The following GLIS3 variants were observed in gnomAD, a reference collection of about 807,000 sequenced individuals.
The protein encoded by GLIS3 is zinc finger protein GLIS3.
GLIS3 carries 53 observed loss-of-function variants against 78.6 expected under a neutral mutation model. The observed-to-expected ratio is 0.67, with a 90% CI of 0.54 to 0.85. The LOEUF is 0.85. GLIS3 is among the 40% of genes least tolerant of loss of function. The pLI is 0.00. For missense variants in GLIS3, 1,703 were observed against 1,231.1 expected (o/e 1.38, Z -5.74); for synonymous variants, 684 against 509.9 (o/e 1.34, Z -4.60).
At chr9:4,379,571 C>T in the GLIS3 span, among the ~76,000 whole-genome samples, 18 of 152,166 alleles carry the variant, frequency 1.2e-4, no homozygotes, top group African/African-American at 4.1e-4. Context: ...GATCTGGGAG[C>T]TAAACCTTGA....
chr9:3,865,965 G>A (rs928915544), intron 8 of GLIS3, among the ~76,000 whole-genome samples: 3 of 152,202 alleles, frequency 2.0e-5, no homozygotes, highest in Non-Finnish European at 2.9e-5. Flanking sequence ...CTGTCTGCTT[G>A]GGAGAGTGCC....
intron 6 of GLIS3, among the ~76,000 whole-genome samples, chr9:3,931,436 C>T (rs1442738043): frequency 3.3e-5 from 5 of 152,134 alleles, no homozygotes; most frequent in South Asian, 4.1e-4. Context: ...ACTTGAAATA[C>T]GTTGAGTCTC....
At chr9:4,133,479 G>A (rs149286294) in intron 2 of GLIS3, among the ~76,000 whole-genome samples, 49 of 152,280 alleles carry the variant, frequency 3.2e-4, no homozygotes, top group Middle Eastern at 3.4e-3. Flanking sequence ...ATGGTGGAAG[G>A]AAAGAAGTGA....
intron 6 of GLIS3, among the ~76,000 whole-genome samples, chr9:3,922,721 G>A (rs1241501555): frequency 1.3e-5 from 2 of 151,942 alleles, no homozygotes; most frequent in African/African-American, 4.8e-5. Context: ...CACTTGTAAA[G>A]GTGATTATAA....
At chr9:4,202,390 A>G (rs1369249287) in intron 2 of GLIS3, among the ~76,000 whole-genome samples, 1 of 150,880 alleles carries the variant, frequency 6.6e-6, no homozygotes, top group African/African-American at 2.4e-5. Flanking sequence ...TGACCTTGTG[A>G]TCCACCCACC....
At chr9:4,205,602 C>A (rs1404101010) in intron 2 of GLIS3, among the ~76,000 whole-genome samples, 1 of 152,104 alleles carries the variant, frequency 6.6e-6, no homozygotes, top group Admixed American at 6.5e-5. Context: ...CACGGAGGAG[C>A]TGAAGGATGA....
chr9:4,346,116 G>A (rs1385100407), intron 2 of GLIS3, among the ~76,000 whole-genome samples: 1 of 152,010 alleles, frequency 6.6e-6, no homozygotes, highest in Non-Finnish European at 1.5e-5. Context: ...TCCATTGAAA[G>A]AAAGACATAT....
At chr9:4,362,616 G>C in the GLIS3 span, among the ~76,000 whole-genome samples, 1 of 152,276 alleles carries the variant, frequency 6.6e-6, no homozygotes, top group South Asian at 2.1e-4. Flanking sequence ...GGACTCCAGT[G>C]GCAAAGGAAT....
chr9:4,329,677 C>G (rs937831587), intron 2 of GLIS3, among the ~76,000 whole-genome samples: 2 of 152,248 alleles, frequency 1.3e-5, no homozygotes, highest in African/African-American at 4.8e-5. Context: ...TAAAATTCAT[C>G]TAGTCTGCCC....
intron 2 of GLIS3, among the ~76,000 whole-genome samples, chr9:4,323,365 T>G (rs376056262): frequency 7.2e-5 from 11 of 152,192 alleles, no homozygotes; most frequent in African/African-American, 2.4e-4. Flanking sequence ...GCTTTTAAAT[T>G]TCATAAGAAG....
intron 4 of GLIS3, among the ~76,000 whole-genome samples, chr9:4,081,818 A>C (rs1368597469): frequency 1.3e-5 from 2 of 152,258 alleles, no homozygotes; most frequent in Non-Finnish European, 2.9e-5. Context: ...AAGCCATTAT[A>C]TACAAGCAAT....
the GLIS3 span, among the ~76,000 whole-genome samples, chr9:4,365,373 T>C: frequency 0.44 from 67,265 of 151,694 alleles, 15,376 homozygotes; most frequent in South Asian, 0.55. Context: ...CTGGCCAATA[T>C]GGTAAAACCC....
At chr9:4,221,842 A>G (rs371426347) in intron 2 of GLIS3, among the ~76,000 whole-genome samples, 1 of 152,240 alleles carries the variant, frequency 6.6e-6, no homozygotes, top group African/African-American at 2.4e-5. Context: ...TCAGGCCACC[A>G]TATCTCCATC....
intron 9 of GLIS3, among the ~76,000 whole-genome samples, chr9:3,834,884 G>A (rs1818259051): frequency 6.6e-6 from 1 of 152,166 alleles, no homozygotes; most frequent in African/African-American, 2.4e-5. Context: ...CCCTTCTGAA[G>A]CAGCAGCAGA....
chr9:4,321,672 C>T (rs1817531562), intron 2 of GLIS3, among the ~76,000 whole-genome samples: 1 of 145,636 alleles, frequency 6.9e-6, no homozygotes, highest in African/African-American at 2.5e-5. Flanking sequence ...ATCCCTCCTC[C>T]AAAGGTAACT....
chr9:3,981,247 C>T (rs1819257994), intron 4 of GLIS3, among the ~76,000 whole-genome samples: 1 of 152,192 alleles, frequency 6.6e-6, no homozygotes, highest in South Asian at 2.1e-4. Flanking sequence ...CTTTTCACTT[C>T]AACCAGGTAC....
the GLIS3 span, among the ~76,000 whole-genome samples, chr9:4,445,303 G>C: frequency 6.6e-6 from 1 of 152,150 alleles, no homozygotes; most frequent in Non-Finnish European, 1.5e-5. Context: ...TAAAGTCATA[G>C]AGTGATGAAG....
chr9:4,441,702 G>A, the GLIS3 span, among the ~76,000 whole-genome samples: 1 of 152,066 alleles, frequency 6.6e-6, no homozygotes, highest in Non-Finnish European at 1.5e-5. Flanking sequence ...TGCCTCTCGG[G>A]TTCAAGCCAT....
At chr9:4,480,876 A>G in the GLIS3 span, among the ~76,000 whole-genome samples, 1 of 148,012 alleles carries the variant, frequency 6.8e-6, no homozygotes, top group South Asian at 2.1e-4. Flanking sequence ...TTTTTCTGAG[A>G]CAGGTATTGC....
Sources: gnomAD v4.1 joint callset for allele counts (sites outside exome capture counted in the v4.1 genomes callset) on GRCh38, gnomAD v4.1.1 for gene constraint, MANE v1.5 for transcripts, NCBI Gene and HGNC (gene_info 2026-07-23, HGNC 2026-07-21) for gene names.